KIF13A: variants seen among roughly 807,000 people sequenced by gnomAD.
The protein encoded by KIF13A is kinesin family member 13A.
In KIF13A, 79 loss-of-function variants were observed where a neutral mutation model predicts 212.2. The observed-to-expected ratio is 0.37, with a 90% confidence interval of 0.31 to 0.45. KIF13A has a LOEUF of 0.45. Ranked by LOEUF, KIF13A falls within the 20% of genes least tolerant of loss-of-function variation. The pLI, the probability that KIF13A is intolerant of heterozygous loss-of-function variation, is 1.00. For missense variants in KIF13A, 1,901 were observed against 2,209.0 expected, an observed-to-expected ratio of 0.86 and a Z score of 2.79; for synonymous variants, 789 against 808.6, an observed-to-expected ratio of 0.98 and a Z score of 0.41.
intron 29 of KIF13A, among the ~76,000 whole-genome samples, chr6:17,782,196 A>G (rs1015140396): frequency 2.0e-5 from 3 of 151,840 alleles, no homozygotes; most frequent in Non-Finnish European, 4.4e-5. Context: ...CAGCCTCCCA[A>G]AGTGCTGGGA....
At chr6:17,775,249 T>C (rs577485291) in intron 34 of KIF13A, among the ~76,000 whole-genome samples, 187 bp from the exon 35 acceptor site, 1 of 152,366 alleles carries the variant, frequency 6.6e-6, no homozygotes, top group South Asian at 2.1e-4. Context: ...AAGTTTTATA[T>C]AATTGTATGT....
At position 17,985,638 on chromosome 6, in the gene KIF13A, GGT is replaced by G. The variant is rs1491054047; in HGVS notation, c.146+1414_146+1415del. 5.9e-3 allele frequency among the ~76,000 whole-genome samples: 590 copies of G among 100,500 alleles called. 22 individuals carry two copies. Among genetic ancestry groups the G allele is most frequent in the African/African-American group, 0.025 (559 of 22,518 alleles). 65.9% of individuals were successfully genotyped at this position (100,500 alleles called of 152,430 possible). On this transcript the variant is annotated intron_variant, in intron 2 of 38. Transcript: ENST00000259711. Reference sequence around the variant, plus strand: ...CGAAACAATATGCAGTTTGCGGGGGGGTGGGGGGAGGGGACATTCGTTGGTGA... The same window carrying G: ...CGAAACAATATGCAGTTTGCGGGGGGGGGGGGAGGGGACATTCGTTGGTGA...
rs767024112 is a variant in KIF13A at position 17,775,042 on chromosome 6, G to A, written c.4191C>T (p.Asp1397=). 6.2e-7 allele frequency: 1 copy of A among 1,612,158 alleles called. No homozygotes were observed. Among genetic ancestry groups the A allele is most frequent in the East Asian group, 2.2e-5 (1 of 44,834 alleles). ...TGTCATCTTCATCAAAGCCAGAAAG[G>A]TCCGGTCGGCTGGAAGAGACCTATA... ...NVHNVSSSRP[D]LSGFDEDDKG... is the part of the protein sequence containing the mutation. The change falls in exon 35 of 39, where the codon GAC becomes GAT. Residue 1397 remains aspartate, a synonymous_variant. Coordinates refer to ENST00000259711, the MANE Select transcript of KIF13A (RefSeq NM_022113.6).
intron 2 of KIF13A, among the ~76,000 whole-genome samples, chr6:17,964,857 T>C (rs1779155761): frequency 6.6e-6 from 1 of 152,176 alleles, no homozygotes; most frequent in South Asian, 2.1e-4. Flanking sequence ...TGAGTCTCGC[T>C]CTGTCGCCAG....
At chr6:17,861,446 T>C (rs1182993694) in intron 4 of KIF13A, among the ~76,000 whole-genome samples, 2 of 152,212 alleles carry the variant, frequency 1.3e-5, no homozygotes, top group Non-Finnish European at 2.9e-5. Flanking sequence ...ATATTTAGAT[T>C]ATTTCCTTTT....
In KIF13A at chr6:17,885,265, C is replaced by T. The variant is rs115943300; in HGVS notation, c.160-11828G>A. 8.7e-3 allele frequency among the ~76,000 whole-genome samples: 1,330 copies of T among 152,294 alleles called. 21 individuals are homozygous for T. Among genetic ancestry groups the T allele is most frequent in the African/African-American group, 0.03 (1,251 of 41,562 alleles). ...GCAGCTCTGCCAGGAGGAACTCCAG[C>T]ATGTATCTGAACACATCTCCTAAGG... is the stretch of plus-strand genomic sequence containing the variant. On this transcript the variant is annotated intron_variant, in intron 3 of 38. Coordinates refer to ENST00000259711, the MANE Select transcript of KIF13A (RefSeq NM_022113.6).
intron 7 of KIF13A, among the ~76,000 whole-genome samples, chr6:17,851,332 A>G (rs1228497551): frequency 6.6e-6 from 1 of 152,232 alleles, no homozygotes; most frequent in African/African-American, 2.4e-5. Flanking sequence ...CACATCCCAC[A>G]AACAGCACAA....
At position 17,789,929 on chromosome 6, in the gene KIF13A, C is replaced by A. The variant is rs1761390555; in HGVS notation, c.3223-19G>T. 6.2e-7 allele frequency: 1 copy of A among 1,607,678 alleles called. No individual in the cohort carries two copies. The highest frequency in any genetic ancestry group is 8.5e-7 in the Non-Finnish European group (1 of 1,174,922). ...CATCTCTCTGGTAGGAAAAAATAAACACAAAGGACAAGCATTTTGTTTTTC... is the reference window on the plus strand; with the variant it reads ...CATCTCTCTGGTAGGAAAAAATAAAAACAAAGGACAAGCATTTTGTTTTTC... On this transcript the variant is annotated intron_variant, in intron 25 of 38. Transcript: ENST00000259711. This position sits in a 1 kb window ranked among gnomAD's most constrained non-coding sequence, Gnocchi z 4.8.
chr6:17,877,504 T>C (rs1234010402), intron 3 of KIF13A, among the ~76,000 whole-genome samples: 2 of 152,196 alleles, frequency 1.3e-5, no homozygotes, highest in East Asian at 3.8e-4. Context: ...ATGATCTATC[T>C]TGTTTTTAAA....
chr6:17,771,599 A>C lies in KIF13A; in HGVS notation c.4476+309T>G, dbSNP rs764748834. On this transcript the variant is annotated intron_variant, in intron 37 of 38. Coordinates refer to ENST00000259711, the MANE Select transcript of KIF13A (RefSeq NM_022113.6). This position sits in a 1 kb window ranked among gnomAD's most constrained non-coding sequence, Gnocchi z 5.4. ...ATCAGAAATCCCCAAAAAGACAAAA[A>C]AGAAAAATAATTTTAAAAAAGGCCT... 12 of 334,738 alleles carry C rather than the reference A, an allele frequency of 3.6e-5. No homozygotes were observed. The highest frequency in any genetic ancestry group is 5.9e-5 in the Non-Finnish European group (11 of 184,988). 20.7% of individuals were successfully genotyped at this position (334,738 alleles called of 1,614,324 possible). A position where few individuals can be genotyped will look rare whatever the true frequency, so the allele number is the denominator to read the frequency against.
intron 18 of KIF13A, among the ~76,000 whole-genome samples, chr6:17,807,421 A>ATACG (rs1763059412): frequency 6.6e-6 from 1 of 152,048 alleles, no homozygotes; most frequent in Admixed American, 6.6e-5. Flanking sequence ...AAGCACTGAG[A>ATACG]TACGCCCTGG....
intron 2 of KIF13A, among the ~76,000 whole-genome samples, chr6:17,923,938 T>A (rs1381068601): frequency 6.6e-6 from 1 of 152,120 alleles, no homozygotes; most frequent in African/African-American, 2.4e-5. Flanking sequence ...CCCTCTCAGG[T>A]CAGGCCCAGT....
chr6:17,870,667 C>A (rs1298316653), intron 4 of KIF13A, among the ~76,000 whole-genome samples: 3 of 152,158 alleles, frequency 2.0e-5, no homozygotes, highest in Non-Finnish European at 2.9e-5. Context: ...TTCCTATTAT[C>A]TGGCCTCATT....
intron 3 of KIF13A, among the ~76,000 whole-genome samples, chr6:17,877,576 T>C (rs1228055848): frequency 6.6e-6 from 1 of 152,216 alleles, no homozygotes; most frequent in Non-Finnish European, 1.5e-5. Flanking sequence ...ACTTAACTTT[T>C]ATTTCCAGGA....
chr6:17,910,315 G>A (rs1443622071), intron 2 of KIF13A, among the ~76,000 whole-genome samples: 3 of 152,226 alleles, frequency 2.0e-5, no homozygotes, highest in Admixed American at 6.5e-5. Context: ...TAGAAGTACC[G>A]TCTCATGACC....
At chr6:17,981,524 A>AGCTG (rs1288626918) in intron 2 of KIF13A, among the ~76,000 whole-genome samples, 32 of 149,872 alleles carry the variant, frequency 2.1e-4, no homozygotes, top group Non-Finnish European at 4.0e-4. Context: ...TCCCGGGTTC[A>AGCTG]AGCATTCCCC....
rs1758703494 is a variant in KIF13A at position 17,763,698 on chromosome 6, A to AATTATGTTGTTTAAT, written c.*411_*412insATTAAACAACATAAT. ...AAATTGGGGTGTCTTACAACTGTTG[A>AATTATGTTGTTTAAT]TATGACAGAGTTTAATTGGCAGTAT... is the stretch of plus-strand genomic sequence containing the variant. On this transcript the variant is annotated 3_prime_UTR_variant, in exon 39 of 39. Coordinates refer to ENST00000259711, the MANE Select transcript of KIF13A (RefSeq NM_022113.6). The AATTATGTTGTTTAAT allele has an allele frequency of 9.8e-6, 3 of 306,280 alleles. No homozygotes were observed. The highest frequency in any genetic ancestry group is 1.5e-5 in the Non-Finnish European group (3 of 199,738). 19.0% of individuals were successfully genotyped at this position (306,280 alleles called of 1,614,324 possible).
intron 9 of KIF13A, among the ~76,000 whole-genome samples, chr6:17,845,887 C>CCACA (rs1169983062): frequency 6.6e-6 from 1 of 152,164 alleles, no homozygotes; most frequent in East Asian, 1.9e-4. Flanking sequence ...GTTCCTAAAT[C>CCACA]CACAGCCCAT....
At chr6:17,840,314 T>A (rs1352422237) in intron 9 of KIF13A, among the ~76,000 whole-genome samples, 1 of 152,162 alleles carries the variant, frequency 6.6e-6, no homozygotes, top group Non-Finnish European at 1.5e-5. Context: ...AAATACTGTA[T>A]GTGATAATAG....
Sources: allele counts gnomAD v4.1 joint callset (sites outside exome capture counted in the v4.1 genomes callset), GRCh38; gene constraint gnomAD v4.1.1; non-coding constraint Gnocchi (gnomAD v3.1); transcripts MANE v1.5; gene names NCBI Gene and HGNC (gene_info 2026-07-23, HGNC 2026-07-21).